The following PGPEP1L variants were observed in gnomAD, a reference collection of about 807,000 sequenced individuals.
PGPEP1L encodes pyroglutamyl-peptidase I like.
A neutral mutation model predicts 6.0 loss-of-function variants in PGPEP1L; 7 were observed. That is an observed-to-expected ratio of 1.17 (90% CI 0.66 to 2.19). The LOEUF (loss-of-function observed/expected upper bound fraction) is 2.19. Ranked by LOEUF, PGPEP1L falls within the 30% of genes most tolerant of loss-of-function variation. PGPEP1L has a pLI of 0.00. For missense variants in PGPEP1L, 209 were observed against 192.5 expected (o/e 1.09, Z -0.51); for synonymous variants, 103 against 83.9 (o/e 1.23, Z -1.24).
chr15:98,993,256 G>GA (rs1316374066), intron 2 of PGPEP1L, among the ~76,000 whole-genome samples: 5 of 151,812 alleles, frequency 3.3e-5, no homozygotes, highest in African/African-American at 7.3e-5. Context: ...AAATTTACAA[G>GA]AAAAAAACAA....
intron 2 of PGPEP1L, among the ~76,000 whole-genome samples, chr15:98,973,490 T>C (rs1313538168): frequency 2.6e-5 from 4 of 152,160 alleles, no homozygotes; most frequent in African/African-American, 7.2e-5. Context: ...TTTTGAAAAA[T>C]TAAAATTATA....
intron 2 of PGPEP1L, among the ~76,000 whole-genome samples, chr15:98,979,587 T>C (rs114292356): frequency 8.3e-4 from 123 of 147,806 alleles, no homozygotes; most frequent in African/African-American, 3.0e-3. Context: ...TAAAAAGAAA[T>C]GTATTAATGG....
chr15:98,969,795 T>TCCCC, intron 3 of PGPEP1L, 144 bp from the exon 4 acceptor site: 1 of 754,710 alleles, frequency 1.3e-6, no homozygotes, highest in South Asian at 1.7e-5. Context: ...AACCCCAGGA[T>TCCCC]CCCCCACCAG....
intron 2 of PGPEP1L, among the ~76,000 whole-genome samples, chr15:98,991,726 T>TCCAGCC (rs1281239584): frequency 1.3e-5 from 2 of 152,144 alleles, no homozygotes; most frequent in Admixed American, 6.6e-5. Context: ...GCAAACTGAA[T>TCCAGCC]CCAGCAGCAC....
chr15:98,978,702 C>CTGTG (rs1432361165), intron 2 of PGPEP1L, among the ~76,000 whole-genome samples: 2 of 131,586 alleles, frequency 1.5e-5, no homozygotes, highest in African/African-American at 5.9e-5. Context: ...TAGCATTAGA[C>CTGTG]TGTGTATATA....
intron 4 of PGPEP1L, among the ~76,000 whole-genome samples, chr15:98,968,969 A>G (rs2017448267): frequency 6.6e-6 from 1 of 152,160 alleles, no homozygotes; most frequent in Non-Finnish European, 1.5e-5. Flanking sequence ...AATCCCTCTC[A>G]TTCATGTCTT....
intron 2 of PGPEP1L, among the ~76,000 whole-genome samples, chr15:98,996,687 A>G (rs549846806): frequency 6.6e-6 from 1 of 152,168 alleles, no homozygotes; most frequent in Non-Finnish European, 1.5e-5. Flanking sequence ...CTGTGTATCC[A>G]TGTGTGCACG....
chr15:99,006,311 CCCTGCGTTCTA>C (rs1346625533), intron 1 of PGPEP1L, among the ~76,000 whole-genome samples: 1 of 152,240 alleles, frequency 6.6e-6, no homozygotes, highest in Non-Finnish European at 1.5e-5. Flanking sequence ...GTGCTCACCA[CCCTGCGTTCTA>C]CCTGCGAAAA....
Position 98,971,200 on chromosome 15 carries a change from G to T in PGPEP1L, c.-141-42C>A, listed in dbSNP as rs577791860. 1.4e-3 allele frequency: 451 copies of T among 330,002 alleles called. 33 individuals are homozygous for T. Among genetic ancestry groups the T allele is most frequent in the Middle Eastern group, 0.01 (14 of 1,346 alleles). The allele number at this position is 330,002 out of a possible 1,614,324, so 20.4% of individuals were successfully genotyped here. ...GTGGACTTGCCTCAGTTGATGGGGG[G>T]GGGGGGGGGGTGGGCACCAAGAGTC... On this transcript the variant is annotated intron_variant, in intron 2 of 4. Coordinates refer to ENST00000535714, the MANE Select transcript of PGPEP1L (RefSeq NM_001167902.2).
In PGPEP1L at chr15:98,979,633, C is replaced by CTTTTTTT. The variant is rs568793204; in HGVS notation, c.-141-8482_-141-8476dup. Reference sequence around the variant, plus strand: ...AACCTGGATGGGATTGGAGACTATTCTTTTTTTTTTTTTTTTTTTTTTTTT... The same window carrying CTTTTTTT: ...AACCTGGATGGGATTGGAGACTATTCTTTTTTTTTTTTTTTTTTTTTTTTTTTTTTTT... On this transcript the variant is annotated intron_variant, in intron 2 of 4. Coordinates refer to ENST00000535714, the MANE Select transcript of PGPEP1L (RefSeq NM_001167902.2). Among the ~76,000 whole-genome samples the CTTTTTTT allele has an allele frequency of 1.4e-3, 67 of 46,500 alleles. 7 individuals carry two copies. Among genetic ancestry groups the CTTTTTTT allele is most frequent in the South Asian group, 3.4e-3 (3 of 880 alleles). 30.5% of individuals were successfully genotyped at this position (46,500 alleles called of 152,430 possible). A position where few individuals can be genotyped will look rare whatever the true frequency, so the allele number is the denominator to read the frequency against.
rs749363949 is a variant in PGPEP1L, at chr15:98,969,643, CACG to C, written c.-13_-11del. On this transcript the variant is annotated 5_prime_UTR_variant, in exon 4 of 5. Coordinates refer to ENST00000535714, the MANE Select transcript of PGPEP1L (RefSeq NM_001167902.2). ...TGGCGGCGGTGTCCATGCCCACATG[CACG>C]ACGAGCTGTGTGAACGGGTAACAGC... is the stretch of plus-strand genomic sequence containing the variant. 1.2e-6 allele frequency: 2 copies of C among 1,611,152 alleles called. No individual in the cohort carries two copies. The highest frequency in any genetic ancestry group is 3.3e-5 in the Admixed American group (2 of 60,018).
At chr15:98,971,597 TAA>T (rs2017498681) in intron 2 of PGPEP1L, among the ~76,000 whole-genome samples, 1 of 152,014 alleles carries the variant, frequency 6.6e-6, no homozygotes, top group African/African-American at 2.4e-5. Context: ...GAAGAAGAAA[TAA>T]AGACTTTCCC....
Position 99,006,997 on chromosome 15 carries a change from TCTG to T in PGPEP1L, c.-370+359_-370+361del, listed in dbSNP as rs1567247022. Among the ~76,000 whole-genome samples, 23 of 152,268 alleles carry T rather than the reference TCTG, an allele frequency of 1.5e-4. 1 individual carries two copies. The South Asian group carries it at 4.8e-3, about 32-fold the overall frequency. ...GTGACAGCAGGACCACGTGGCTCCA[TCTG>T]CTGAATTGTCCTCCTGATATAAAGC... On this transcript the variant is annotated intron_variant, in intron 1 of 4. Coordinates refer to ENST00000535714, the MANE Select transcript of PGPEP1L (RefSeq NM_001167902.2).
intron 2 of PGPEP1L, among the ~76,000 whole-genome samples, chr15:98,989,510 T>C (rs896511617): frequency 6.6e-6 from 1 of 152,236 alleles, no homozygotes; most frequent in African/African-American, 2.4e-5. Context: ...TTGATTGGTG[T>C]ACCTGAAAAG....
At chr15:98,980,500 GCT>G (rs2017642507) in intron 2 of PGPEP1L, among the ~76,000 whole-genome samples, 1 of 152,188 alleles carries the variant, frequency 6.6e-6, no homozygotes. Context: ...GGAGGACTCA[GCT>G]CTCTCATGCA....
At chr15:98,986,970 C>T (rs1304078129) in intron 2 of PGPEP1L, among the ~76,000 whole-genome samples, 1 of 151,666 alleles carries the variant, frequency 6.6e-6, no homozygotes, top group East Asian at 1.9e-4. Context: ...AGATGGAGAC[C>T]AGCCTGGCCA....
At chr15:98,997,468 T>C (rs2017903702) in intron 2 of PGPEP1L, among the ~76,000 whole-genome samples, 1 of 152,146 alleles carries the variant, frequency 6.6e-6, no homozygotes, top group African/African-American at 2.4e-5. Context: ...CAGTTGGCGG[T>C]GTGTCACCTG....
At chr15:98,982,407 T>C (rs923366032) in intron 2 of PGPEP1L, among the ~76,000 whole-genome samples, 9 of 152,236 alleles carry the variant, frequency 5.9e-5, no homozygotes, top group African/African-American at 2.2e-4. Context: ...TCCTATTTCA[T>C]GCTGTTCCAA....
At chr15:98,989,518 A>T (rs1013983698) in intron 2 of PGPEP1L, among the ~76,000 whole-genome samples, 15 of 152,250 alleles carry the variant, frequency 9.9e-5, no homozygotes, top group African/African-American at 3.6e-4. Flanking sequence ...TGTACCTGAA[A>T]AGTGACAGGG....
Sources: gnomAD v4.1 joint callset for allele counts (sites outside exome capture counted in the v4.1 genomes callset) on GRCh38, gnomAD v4.1.1 for gene constraint, MANE v1.5 for transcripts, NCBI Gene and HGNC (gene_info 2026-07-23, HGNC 2026-07-21) for gene names.